The following C4orf50 variants were observed in gnomAD, a reference collection of about 807,000 sequenced individuals.
C4orf50 encodes uncharacterized protein C4orf50.
In C4orf50, 80 loss-of-function variants were observed where a neutral mutation model predicts 77.2. The observed-to-expected ratio is 1.04, with a 90% CI of 0.87 to 1.25. The LOEUF is 1.25. C4orf50 is among the 50% of genes most tolerant of loss of function. The pLI, the probability that C4orf50 is intolerant of heterozygous loss-of-function variation, is 0.00. For synonymous variants in C4orf50, 532 were observed against 465.3 expected (o/e 1.14, Z -1.84); for missense variants, 1,257 against 1,152.9 (o/e 1.09, Z -1.31).
chr4:5,989,556 T>C, exon 28 of C4orf50: 1 of 1,536,164 alleles, frequency 6.5e-7, no homozygotes, highest in Non-Finnish European at 8.7e-7. Flanking sequence ...ATGCAGAGGC[T>C]GAGCACTGCC....
At chr4:6,005,927 T>C (rs536946408) in intron 25 of C4orf50, among the ~76,000 whole-genome samples, 70 of 152,002 alleles carry the variant, frequency 4.6e-4, no homozygotes, top group Non-Finnish European at 8.5e-4. Context: ...AATGGAGAGA[T>C]TGGGGGAAGA....
downstream of C4orf50, among the ~76,000 whole-genome samples, chr4:5,956,332 C>T (rs573122677): frequency 6.6e-6 from 1 of 152,202 alleles, no homozygotes; most frequent in Non-Finnish European, 1.5e-5. Flanking sequence ...AGGGCACTTC[C>T]TCCAGGAAGC....
exon 34 of C4orf50, chr4:5,959,559 CCTGGTTCCA>C: frequency 6.2e-7 from 1 of 1,614,132 alleles, no homozygotes; most frequent in Non-Finnish European, 8.5e-7. Flanking sequence ...TGCGGGGAGA[CCTGGTTCCA>C]CAGTGACCGC....
At chr4:5,957,990 T>G (rs981254721) in exon 34 of C4orf50, 5 of 152,252 alleles carry the variant, frequency 3.3e-5, no homozygotes, top group African/African-American at 7.2e-5. Context: ...ATCTATACAC[T>G]TTGACACTTC....
chr4:5,939,813 G>A (rs905599666), intron 7 of C4orf50, among the ~76,000 whole-genome samples: 1 of 152,178 alleles, frequency 6.6e-6, no homozygotes, highest in East Asian at 1.9e-4. Flanking sequence ...CTGACTCTCA[G>A]AAGATCTCCC....
intron 7 of C4orf50, among the ~76,000 whole-genome samples, chr4:5,938,513 C>G (rs1363427392): frequency 2.0e-5 from 3 of 152,178 alleles, no homozygotes; most frequent in African/African-American, 7.2e-5. Flanking sequence ...AAAGACAAGC[C>G]TTCCCAGCAT....
At chr4:5,928,347 T>TAC (rs943846373) in intron 7 of C4orf50, among the ~76,000 whole-genome samples, 43 of 134,122 alleles carry the variant, frequency 3.2e-4, no homozygotes, top group Middle Eastern at 4.3e-3. Flanking sequence ...TCCCCTCTCA[T>TAC]ACACACACAC....
chr4:6,013,536 T>C (rs968837219), intron 23 of C4orf50, among the ~76,000 whole-genome samples: 7 of 152,196 alleles, frequency 4.6e-5, no homozygotes, highest in Non-Finnish European at 1.0e-4. Flanking sequence ...CTGGAACCTA[T>C]GAATGTTACC....
At position 6,008,696 on chromosome 4, in the gene C4orf50, G is replaced by C. The variant is rs1468606830; in HGVS notation, c.427-164C>G. ...AAGTATTATCTCTTTGACTGTTTTG[G>C]CATCCTCTTAAATTTTGCACGGAGG... On this transcript the variant is annotated intron_variant, in intron 24 of 33. Coordinates refer to ENST00000531445, the Ensembl canonical transcript of C4orf50. The surrounding 1 kb of genome is among the most constrained non-coding windows in gnomAD (Gnocchi z 6.0). Among the ~76,000 whole-genome samples the C allele has an allele frequency of 6.6e-6, 1 of 152,134 alleles. No individual in the cohort carries two copies. The highest frequency in any genetic ancestry group is 1.5e-5 in the Non-Finnish European group (1 of 68,032).
intron 33 of C4orf50, among the ~76,000 whole-genome samples, chr4:5,961,585 C>T (rs757754777): frequency 3.9e-5 from 6 of 152,184 alleles, no homozygotes; most frequent in Non-Finnish European, 8.8e-5. Flanking sequence ...GTGCTGTGCC[C>T]AAGGCCACAC....
intron 7 of C4orf50, among the ~76,000 whole-genome samples, chr4:5,941,681 C>T (rs551889418): frequency 4.1e-4 from 63 of 152,164 alleles, no homozygotes; most frequent in Non-Finnish European, 6.8e-4. Flanking sequence ...GCCCAGCACA[C>T]GCTAAACAGT....
At position 5,980,162 on chromosome 4, in the gene C4orf50, C is replaced by A; in HGVS notation, c.3864+12G>T. On this transcript the variant is annotated intron_variant, in intron 29 of 33. Coordinates refer to ENST00000531445, the Ensembl canonical transcript of C4orf50. ...CTGGCTGACAAGAGGGGAAAGAAAG[C>A]ACTTCCCACACCTTGGCCTGGAGCT... 1 of 1,559,370 alleles carries A rather than the reference C, an allele frequency of 6.4e-7. No individual in the cohort carries two copies. The highest frequency in any genetic ancestry group is 8.7e-7 in the Non-Finnish European group (1 of 1,154,774).
At chr4:5,922,845 C>T (rs531788433) in intron 7 of C4orf50, among the ~76,000 whole-genome samples, 1 of 152,324 alleles carries the variant, frequency 6.6e-6, no homozygotes, top group East Asian at 1.9e-4. Context: ...TCATGGTCTC[C>T]TCATTAGCTC....
rs551067846 is a variant in C4orf50 at position 5,994,552 on chromosome 4, C to T, written c.964-76G>A. 346 of 398,466 alleles carry T rather than the reference C, an allele frequency of 8.7e-4. 7 individuals carry two copies. The East Asian group carries it at 0.012, about 14-fold the overall frequency. 24.7% of individuals were successfully genotyped at this position (398,466 alleles called of 1,614,324 possible). On this transcript the variant is annotated intron_variant, in intron 25 of 33. Coordinates refer to ENST00000531445, the Ensembl canonical transcript of C4orf50. The stretch of plus-strand genomic sequence containing the variant: ...TGTACTCCAAGCCCATCCCCAGGGG[C>T]CCCTCCCCAGAAGGGAGCTTGAGTC...
intron 25 of C4orf50, among the ~76,000 whole-genome samples, chr4:5,997,323 G>A (rs1721639089): frequency 6.6e-6 from 1 of 152,200 alleles, no homozygotes; most frequent in South Asian, 2.1e-4. Flanking sequence ...TGGTGACACG[G>A]CCACGTATAA....
intron 7 of C4orf50, among the ~76,000 whole-genome samples, chr4:5,922,896 T>C (rs1717343306): frequency 6.6e-6 from 1 of 152,194 alleles, no homozygotes; most frequent in Non-Finnish European, 1.5e-5. Context: ...GAGAGACCTT[T>C]GAAAGGCAGG....
rs1356778234 is a variant in C4orf50 at position 5,932,635 on chromosome 4, T to A, written c.*2474+24266A>T. ...TTTTTAATTTTTTATAGAGATGGAGTCCCCCTGCCTTGCTCAGGCTGGTCT... is the reference window on the plus strand; with the variant it reads ...TTTTTAATTTTTTATAGAGATGGAGACCCCCTGCCTTGCTCAGGCTGGTCT... On this transcript the variant is annotated intron_variant, in intron 7 of 7. Coordinates refer to the C4orf50 transcript ENST00000324058. This position sits in a 1 kb window ranked among gnomAD's most constrained non-coding sequence, Gnocchi z 4.2. Among the ~76,000 whole-genome samples the A allele has an allele frequency of 6.6e-6, 1 of 151,880 alleles. No individual in the cohort carries two copies. The highest frequency in any genetic ancestry group is 1.5e-5 in the Non-Finnish European group (1 of 67,962).
chr4:5,970,475 G>A lies in C4orf50; in HGVS notation c.4105-3013C>T, dbSNP rs1719846160. Among the ~76,000 whole-genome samples the A allele has an allele frequency of 6.6e-6, 1 of 152,168 alleles. No homozygotes were observed. The highest frequency in any genetic ancestry group is 1.5e-5 in the Non-Finnish European group (1 of 68,036). ...CAGCAGAGTAGGAGGAGGGAAGCCA[G>A]GGCGGATACAAGGGTGACCCATGGA... On this transcript the variant is annotated intron_variant, in intron 31 of 33. Transcript: ENST00000531445. This position sits in a 1 kb window ranked among gnomAD's most constrained non-coding sequence, Gnocchi z 4.3.
At chr4:5,933,756 C>A (rs1419424787) in intron 7 of C4orf50, among the ~76,000 whole-genome samples, 1 of 152,136 alleles carries the variant, frequency 6.6e-6, no homozygotes, top group Non-Finnish European at 1.5e-5. Flanking sequence ...GGCCCAGACC[C>A]CCTTGAAGGA....
Sources: allele counts gnomAD v4.1 joint callset (sites outside exome capture counted in the v4.1 genomes callset), GRCh38; gene constraint gnomAD v4.1.1; non-coding constraint Gnocchi (gnomAD v3.1); transcripts MANE v1.5; gene names NCBI Gene and HGNC (gene_info 2026-07-23, HGNC 2026-07-21).